Variants in CFAP57 observed in about 807,000 individuals in gnomAD.
The protein encoded by CFAP57 is cilia and flagella associated protein 57.
A neutral mutation model predicts 146.8 loss-of-function variants in CFAP57; 116 were observed. That is an observed-to-expected ratio of 0.79 (90% CI 0.68 to 0.92). The LOEUF is 0.92. CFAP57 is among the 40% of genes least tolerant of loss of function. The pLI is 0.00. For missense variants in CFAP57, 1,377 were observed against 1,527.2 expected (o/e 0.90, Z 1.64); for synonymous variants, 518 against 552.8 (o/e 0.94, Z 0.88).
rs1051361795 is a variant in CFAP57, at chr1:43,222,969, A to G, written c.2678A>G (p.Lys893Arg). 1.9e-6 allele frequency: 3 copies of G among 1,550,068 alleles called. No individual in the cohort carries two copies. Among genetic ancestry groups the G allele is most frequent in the African/African-American group, 1.4e-5 (1 of 73,132 alleles). ...GAAAAGGAATCAAACCTGCGGCTCA[A>G]GGGAGAAACAGGCATCATGAGGAAG... ...RDEKESNLRL[K>R]GETGIMRKKF... The change falls in exon 16 of 23, where the codon AAG (lysine) becomes AGG (arginine). Residue 893 changes from lysine to arginine, a missense_variant. Physicochemically the swap from Lys to Arg is conservative, Grantham distance 26. Transcript: ENST00000372492.
chr1:43,172,584 A>AGAGGGGAGGGG, intron 1 of CFAP57, 131 bp downstream of exon 1: 1 of 458,558 alleles, frequency 2.2e-6, no homozygotes, highest in Non-Finnish European at 3.6e-6. Context: ...AAGGGGAGGG[A>AGAGGGGAGGGG]CAAGGGGAGG....
intron 2 of CFAP57, among the ~76,000 whole-genome samples, chr1:43,175,620 C>A (rs1645141511): frequency 6.6e-6 from 1 of 151,966 alleles, no homozygotes; most frequent in Non-Finnish European, 1.5e-5. Context: ...AAGCCATCCT[C>A]CCCACCTTAA....
At chr1:43,178,603 T>C (rs897524605) in intron 2 of CFAP57, among the ~76,000 whole-genome samples, 6 of 152,184 alleles carry the variant, frequency 3.9e-5, no homozygotes. Flanking sequence ...TCACACCAGT[T>C]AGAATGGCGA....
At chr1:43,205,468 T>A (rs578105566) in intron 9 of CFAP57, among the ~76,000 whole-genome samples, 87 of 152,342 alleles carry the variant, frequency 5.7e-4, no homozygotes, top group African/African-American at 2.1e-3. Context: ...ACTTGAGGTG[T>A]GTGCGTGTGT....
In CFAP57 at chr1:43,254,177, G is replaced by A; in HGVS notation, c.3739G>A (p.Val1247Met). 5 of 1,548,696 alleles carry A rather than the reference G, an allele frequency of 3.2e-6. No homozygotes were observed. Among genetic ancestry groups the A allele is most frequent in the Non-Finnish European group, 4.4e-6 (5 of 1,145,892 alleles). Reference protein sequence around the residue: ...SLSNSEVDLEVKTN With the variant: ...SLSNSEVDLEMKTN ...CTCCAACTCCGAGGTAGACTTAGAG[G>A]TGAAGACCAACTGACCCCCTCTGGT... The change falls in exon 23 of 23, where the codon GTG becomes ATG. Residue 1247 changes from valine to methionine, a missense_variant. By Grantham distance (21) the Val-to-Met change is conservative. Coordinates refer to ENST00000372492, the MANE Select transcript of CFAP57 (RefSeq NM_001378189.1).
intron 17 of CFAP57, among the ~76,000 whole-genome samples, chr1:43,225,314 C>G (rs1645204846): frequency 6.6e-6 from 1 of 152,238 alleles, no homozygotes; most frequent in South Asian, 2.1e-4. Flanking sequence ...TCAGCACGCT[C>G]TTTCTGTAAA....
rs533800033 is a variant in CFAP57, at chr1:43,232,484, A to T, written c.3010-24A>T. The T allele has an allele frequency of 6.3e-5, 97 of 1,534,784 alleles. No individual in the cohort carries two copies. The African/African-American group carries it at 1.2e-3, about 19-fold the overall frequency. ...TCATTATCTAACTTTCTTCTTCTTG[A>T]CTCTTTTCCCTTGTTGTCTACAGAT... On this transcript the variant is annotated intron_variant, in intron 18 of 22. Coordinates refer to ENST00000372492, the MANE Select transcript of CFAP57 (RefSeq NM_001378189.1).
intron 7 of CFAP57, among the ~76,000 whole-genome samples, chr1:43,198,082 A>G (rs528938733): frequency 6.6e-6 from 1 of 151,906 alleles, no homozygotes; most frequent in African/African-American, 2.4e-5. Flanking sequence ...CACTATCTCA[A>G]CCACCCCCAA....
In CFAP57 at chr1:43,181,603, A is replaced by G. The variant is rs886352010; in HGVS notation, c.227A>G (p.Glu76Gly). Residue 76 changes from glutamate to glycine, a missense_variant, in exon 3 of 23, where the codon GAG becomes GGG. Transcript: ENST00000372492. The part of the protein sequence containing the change: ...SPNRRYLAIS[E>G]TVQEKPAITI... ...AATCGGCGGTACCTCGCTATCTCTG[A>G]GACTGTGCAAGAAAAACCTGCCATC... 5 of 1,614,178 alleles carry G rather than the reference A, an allele frequency of 3.1e-6. No individual in the cohort carries two copies. In the East Asian group the frequency reaches 1.1e-4, roughly 36 times the overall value.
At chr1:43,230,718 G>A (rs1201284909) in intron 18 of CFAP57, among the ~76,000 whole-genome samples, 3 of 152,154 alleles carry the variant, frequency 2.0e-5, no homozygotes, top group Admixed American at 6.5e-5. Flanking sequence ...TCCAGTGGAC[G>A]CATCCCATCT....
In CFAP57 at chr1:43,201,588, C is replaced by T. The variant is rs1255742908; in HGVS notation, c.1542+2085C>T. Among the ~76,000 whole-genome samples, 1 of 152,204 alleles carries T rather than the reference C, an allele frequency of 6.6e-6. No individual in the cohort carries two copies. Among genetic ancestry groups the T allele is most frequent in the Non-Finnish European group, 1.5e-5 (1 of 68,038 alleles). ...GCAACCTCCACCTCCTGAGTTCAAG[C>T]GATTCTCCTGCCTCAGCCTCCCAAG... is the stretch of plus-strand genomic sequence containing the variant. On this transcript the variant is annotated intron_variant, in intron 9 of 22. Transcript: ENST00000372492. The surrounding 1 kb of genome is among the most constrained non-coding windows in gnomAD (Gnocchi z 4.4).
intron 22 of CFAP57, among the ~76,000 whole-genome samples, chr1:43,243,828 TGAG>T (rs1225103692): frequency 2.0e-5 from 3 of 152,166 alleles, no homozygotes; most frequent in African/African-American, 2.4e-5. Flanking sequence ...AAAAGCAAGA[TGAG>T]GAGCTATTTA....
intron 6 of CFAP57, among the ~76,000 whole-genome samples, chr1:43,188,925 T>C (rs983776100): frequency 6.6e-6 from 1 of 152,242 alleles, no homozygotes; most frequent in African/African-American, 2.4e-5. Context: ...TTGAATTCAT[T>C]TGAGTATATG....
At chr1:43,253,446 C>T (rs1411822337) in intron 22 of CFAP57, among the ~76,000 whole-genome samples, 1 of 152,114 alleles carries the variant, frequency 6.6e-6, no homozygotes, top group African/African-American at 2.4e-5. Flanking sequence ...AGGGGTGAGC[C>T]GTGGACCCTG....
chr1:43,205,726 G>T (rs1383898792), intron 9 of CFAP57, among the ~76,000 whole-genome samples: 1 of 151,990 alleles, frequency 6.6e-6, no homozygotes, highest in East Asian at 1.9e-4. Flanking sequence ...ATGGGGCTGG[G>T]GTAAGAATAA....
At chr1:43,203,573 G>C (rs1644227456) in intron 9 of CFAP57, among the ~76,000 whole-genome samples, 1 of 152,134 alleles carries the variant, frequency 6.6e-6, no homozygotes, top group African/African-American at 2.4e-5. Context: ...CGATTCTCCT[G>C]CCTCAGCCTC....
chr1:43,214,731 A>C (rs957473547), intron 11 of CFAP57, among the ~76,000 whole-genome samples: 1 of 152,112 alleles, frequency 6.6e-6, no homozygotes, highest in Admixed American at 6.5e-5. Context: ...ACCATTTTAC[A>C]TTCTTACCAA....
At chr1:43,212,224 A>G (rs1644646057) in intron 11 of CFAP57, among the ~76,000 whole-genome samples, 1 of 152,188 alleles carries the variant, frequency 6.6e-6, no homozygotes, top group South Asian at 2.1e-4. Flanking sequence ...AACCACCACT[A>G]CAATCACACT....
At chr1:43,182,939 AT>A (rs1299426925) in intron 3 of CFAP57, among the ~76,000 whole-genome samples, 1 of 152,250 alleles carries the variant, frequency 6.6e-6, no homozygotes, top group Admixed American at 6.5e-5. Context: ...CAAGAGTGAT[AT>A]GCACTCAGGA....
Sources: gnomAD v4.1 joint callset for allele counts (sites outside exome capture counted in the v4.1 genomes callset) on GRCh38, gnomAD v4.1.1 for gene constraint, Gnocchi (gnomAD v3.1) non-coding constraint, MANE v1.5 for transcripts, NCBI Gene and HGNC (gene_info 2026-07-23, HGNC 2026-07-21) for gene names.